PLEKHA8: variants seen among roughly 807,000 people sequenced by gnomAD.
PLEKHA8 encodes the protein pleckstrin homology domain-containing family A member 8.
PLEKHA8 carries 36 observed loss-of-function variants against 68.2 expected under a neutral mutation model. The observed-to-expected ratio is 0.53, with a 90% CI of 0.40 to 0.70. PLEKHA8 has a LOEUF of 0.70. PLEKHA8 is among the 30% of genes least tolerant of loss of function. The pLI is 0.00. For missense variants in PLEKHA8, 505 were observed against 615.4 expected (o/e 0.82, Z 1.90); for synonymous variants, 211 against 216.1 (o/e 0.98, Z 0.20).
downstream of PLEKHA8, among the ~76,000 whole-genome samples, chr7:30,090,997 C>T (rs1184049701): frequency 6.6e-6 from 1 of 152,082 alleles, no homozygotes; most frequent in East Asian, 1.9e-4. Context: ...CCCTTCTCTA[C>T]AAAAAAATCT....
At chr7:30,123,352 C>T (rs1796723336) in intron 13 of PLEKHA8, among the ~76,000 whole-genome samples, 1 of 152,212 alleles carries the variant, frequency 6.6e-6, no homozygotes, top group Admixed American at 6.5e-5. Context: ...TTTCTTTCCA[C>T]TAAACAAATC....
At position 30,097,842 on chromosome 7, in the gene PLEKHA8, T is replaced by C. The variant is rs113239100; in HGVS notation, c.1362+23710T>C. 3.0e-3 allele frequency among the ~76,000 whole-genome samples: 457 copies of C among 152,356 alleles called. 3 individuals carry two copies. The highest frequency in any genetic ancestry group is 0.011 in the African/African-American group (442 of 41,580). On this transcript the variant is annotated intron_variant, in intron 13 of 13. Transcript: ENST00000396257. Reference sequence around the variant, plus strand: ...CTCTCAACTCGTCAAAGTCATTCTCTGTCCAGCTTTGTTCCGTTGCTGGTG... The same window carrying C: ...CTCTCAACTCGTCAAAGTCATTCTCCGTCCAGCTTTGTTCCGTTGCTGGTG...
At chr7:30,050,044 G>A (rs1792283427) in intron 5 of PLEKHA8, among the ~76,000 whole-genome samples, 1 of 152,060 alleles carries the variant, frequency 6.6e-6, no homozygotes, top group Non-Finnish European at 1.5e-5. Flanking sequence ...ATGATTTTTA[G>A]GGCAGGAACC....
intron 5 of PLEKHA8, 147 bp from the exon 6 acceptor site, chr7:30,050,287 G>A (rs1223856917): frequency 1.0e-6 from 1 of 970,070 alleles, no homozygotes; most frequent in Non-Finnish European, 1.4e-6. Context: ...CTCTCTTTTG[G>A]GAAGACCTAA....
chr7:30,040,313 C>G (rs1230975621), intron 1 of PLEKHA8, among the ~76,000 whole-genome samples: 1 of 152,182 alleles, frequency 6.6e-6, no homozygotes, highest in Non-Finnish European at 1.5e-5. Context: ...CCTTCTGTCC[C>G]TCAAATCCTT....
At chr7:30,062,131 G>A in intron 11 of PLEKHA8, 104 bp downstream of exon 11, 1 of 1,365,624 alleles carries the variant, frequency 7.3e-7, no homozygotes, top group Non-Finnish European at 9.8e-7. Context: ...GAAGGATCTA[G>A]TTGAATTGTG....
rs1794862215 is a variant in PLEKHA8 at position 30,080,321 on chromosome 7, C to T, written c.*1534C>T. 1 of 985,178 alleles carries T rather than the reference C, an allele frequency of 1.0e-6. No individual in the cohort carries two copies. The highest frequency in any genetic ancestry group is 1.2e-6 in the Non-Finnish European group (1 of 829,928). The allele number at this position is 985,178 out of a possible 1,614,324, so 61.0% of individuals were successfully genotyped here. A position where few individuals can be genotyped will look rare whatever the true frequency, so the allele number is the denominator to read the frequency against. ...GCCTCGAGTGTGCATCGGAGAGAAG[C>T]CATGGGTACCTTCCCCATTAGAGGC... On this transcript the variant is annotated 3_prime_UTR_variant, in exon 14 of 14. Transcript: ENST00000449726.
At chr7:30,109,586 CA>C (rs1166200858) in intron 13 of PLEKHA8, among the ~76,000 whole-genome samples, 1,693 of 41,502 alleles carry the variant, frequency 0.041, 1 homozygote, top group Non-Finnish European at 0.047. Flanking sequence ...AACTCTGTCT[CA>C]AAAAAAAAAA....
Position 30,082,858 on chromosome 7 carries a change from T to G in PLEKHA8, c.*4071T>G. The G allele has an allele frequency of 3.0e-6, 3 of 985,266 alleles. No homozygotes were observed. Among genetic ancestry groups the G allele is most frequent in the Non-Finnish European group, 3.6e-6 (3 of 829,888 alleles). 61.0% of individuals were successfully genotyped at this position (985,266 alleles called of 1,614,324 possible). A position where few individuals can be genotyped will look rare whatever the true frequency, so the allele number is the denominator to read the frequency against. On this transcript the variant is annotated 3_prime_UTR_variant, in exon 14 of 14. Transcript: ENST00000449726. ...GAGCAATAGACGATGATGCGAGGCA[T>G]TTGGGGAGCTTCCTGGAGGAAAATT...
chr7:30,030,530 G>A (rs1046880943), intron 1 of PLEKHA8, among the ~76,000 whole-genome samples: 1 of 152,224 alleles, frequency 6.6e-6, no homozygotes, highest in Non-Finnish European at 1.5e-5. Context: ...AGTAAGAGAA[G>A]TTAATGCTGT....
intron 1 of PLEKHA8, among the ~76,000 whole-genome samples, chr7:30,037,637 A>G (rs942378705): frequency 1.3e-5 from 2 of 152,044 alleles, no homozygotes; most frequent in Non-Finnish European, 2.9e-5. Context: ...CCCCTTTATT[A>G]TGGTCACTAA....
In PLEKHA8 at chr7:30,080,920, G is replaced by A; in HGVS notation, c.*2133G>A. 2.0e-6 allele frequency: 2 copies of A among 985,364 alleles called. No individual in the cohort carries two copies. The highest frequency in any genetic ancestry group is 2.4e-6 in the Non-Finnish European group (2 of 829,916). 61.0% of individuals were successfully genotyped at this position (985,364 alleles called of 1,614,324 possible). ...TACCATTTAGCGGGGATGATACCAG[G>A]TGGTTGTTAGAATTGTGCAGTGTGA... On this transcript the variant is annotated 3_prime_UTR_variant, in exon 14 of 14. Coordinates refer to ENST00000449726, the MANE Select transcript of PLEKHA8 (RefSeq NM_001197026.2).
chr7:30,120,158 A>T (rs1470960005), intron 13 of PLEKHA8, among the ~76,000 whole-genome samples: 1 of 141,522 alleles, frequency 7.1e-6, no homozygotes. Flanking sequence ...CAAATAATTA[A>T]AAAAAAAAAA....
chr7:30,062,054 T>C (rs978025701), intron 11 of PLEKHA8, 27 bp downstream of exon 11: 4 of 1,585,120 alleles, frequency 2.5e-6, no homozygotes, highest in Admixed American at 1.9e-5. Flanking sequence ...GGGACAGCAG[T>C]TAAAATCTAG....
Position 30,029,886 on chromosome 7 carries a change from C to G in PLEKHA8, c.40+1084C>G, listed in dbSNP as rs868344155. Among the ~76,000 whole-genome samples, 13 of 152,264 alleles carry G rather than the reference C, an allele frequency of 8.5e-5. No homozygotes were observed. The South Asian group carries it at 1.0e-3, about 12-fold the overall frequency. On this transcript the variant is annotated intron_variant, in intron 1 of 13. Coordinates refer to ENST00000449726, the MANE Select transcript of PLEKHA8 (RefSeq NM_001197026.2). Reference sequence around the variant, plus strand: ...GTCACACAGCACAGCCAAAGGTGCCCCTATTGGGCGTACCCAGAATCTCTT... The same window carrying G: ...GTCACACAGCACAGCCAAAGGTGCCGCTATTGGGCGTACCCAGAATCTCTT...
chr7:30,099,394 C>T (rs917108648), intron 13 of PLEKHA8, among the ~76,000 whole-genome samples: 5 of 152,198 alleles, frequency 3.3e-5, no homozygotes, highest in African/African-American at 1.2e-4. Flanking sequence ...TGCTATAAAA[C>T]AGAATGTAAT....
At chr7:30,121,762 A>G (rs1454965494) in intron 13 of PLEKHA8, among the ~76,000 whole-genome samples, 1 of 152,226 alleles carries the variant, frequency 6.6e-6, no homozygotes, top group African/African-American at 2.4e-5. Context: ...TTAAATTTCC[A>G]AATCAATAAA....
At chr7:30,098,414 G>C (rs1795715635) in intron 13 of PLEKHA8, among the ~76,000 whole-genome samples, 1 of 152,240 alleles carries the variant, frequency 6.6e-6, no homozygotes, top group South Asian at 2.1e-4. Flanking sequence ...TCTGTGCCCT[G>C]CCCCCAGAGG....
downstream of PLEKHA8, among the ~76,000 whole-genome samples, chr7:30,089,145 T>C (rs984556433): frequency 2.6e-5 from 4 of 152,186 alleles, no homozygotes; most frequent in African/African-American, 9.7e-5. Flanking sequence ...AAAGCCTCTA[T>C]ACACAGCTCC....
Sources: gnomAD v4.1 joint callset for allele counts (sites outside exome capture counted in the v4.1 genomes callset) on GRCh38, gnomAD v4.1.1 for gene constraint, MANE v1.5 for transcripts, NCBI Gene and HGNC (gene_info 2026-07-23, HGNC 2026-07-21) for gene names.